DPF3: variants seen among roughly 807,000 people sequenced by gnomAD.
The protein encoded by DPF3 is zinc finger protein DPF3.
A neutral mutation model predicts 56.8 loss-of-function variants in DPF3; 18 were observed. That is an observed-to-expected ratio of 0.32 (90% CI 0.22 to 0.47). The LOEUF is 0.47. Ranked by LOEUF, DPF3 falls within the 20% of genes least tolerant of loss-of-function variation. The pLI, the probability that DPF3 is intolerant of heterozygous loss-of-function variation, is 1.00. For synonymous variants in DPF3, 188 were observed against 180.2 expected (o/e 1.04, Z -0.35); for missense variants, 403 against 488.8 (o/e 0.82, Z 1.65).
chr14:72,882,789 C>T (rs1284800447), intron 1 of DPF3, among the ~76,000 whole-genome samples: 2 of 152,214 alleles, frequency 1.3e-5, no homozygotes, highest in African/African-American at 4.8e-5. Flanking sequence ...ACCAGCACCG[C>T]GTTGCCGCCC....
intron 6 of DPF3, among the ~76,000 whole-genome samples, chr14:72,710,858 G>A (rs1370601984): frequency 6.6e-6 from 1 of 152,130 alleles, no homozygotes; most frequent in Non-Finnish European, 1.5e-5. Context: ...GTTACTTGCT[G>A]GAAAACAAAG....
intron 1 of DPF3, among the ~76,000 whole-genome samples, chr14:72,871,361 G>GT (rs1885894412): frequency 1.3e-5 from 2 of 152,158 alleles, no homozygotes; most frequent in African/African-American, 4.8e-5. Flanking sequence ...AAAGTCCACA[G>GT]TCCAAAGTCT....
At chr14:72,787,078 C>T (rs1892238624) in intron 1 of DPF3, among the ~76,000 whole-genome samples, 1 of 152,242 alleles carries the variant, frequency 6.6e-6, no homozygotes, top group African/African-American at 2.4e-5. Context: ...CGCCAAAACC[C>T]TCCTGTGCCC....
intron 1 of DPF3, chr14:72,892,606 C>T (rs1886797300): frequency 8.1e-7 from 1 of 1,227,306 alleles, no homozygotes. Flanking sequence ...CGGGAGCGAA[C>T]CTGGTTTTCA....
chr14:72,823,799 C>G (rs544851339), intron 1 of DPF3, among the ~76,000 whole-genome samples: 18 of 152,286 alleles, frequency 1.2e-4, no homozygotes, highest in African/African-American at 4.3e-4. Flanking sequence ...GAGTAGGAAA[C>G]TCCATTCTTA....
rs558631952 is a variant in DPF3 at position 72,617,629 on chromosome 14, A to T, written c.*1668T>A. Among the ~76,000 whole-genome samples, 72 of 152,290 alleles carry T rather than the reference A, an allele frequency of 4.7e-4. No individual in the cohort carries two copies. Among genetic ancestry groups the T allele is most frequent in the Middle Eastern group, 3.4e-3 (1 of 294 alleles). ...CGCTTGCCACAGGTCACTCTGCTGA[A>T]GCGTGGGGGAGACCCACACTGCTTG... On this transcript the variant is annotated 3_prime_UTR_variant, in exon 11 of 11. Coordinates refer to ENST00000556509, the MANE Select transcript of DPF3 (RefSeq NM_001280542.3).
chr14:72,824,233 G>A (rs567630778), intron 1 of DPF3, among the ~76,000 whole-genome samples: 5 of 152,252 alleles, frequency 3.3e-5, no homozygotes, highest in South Asian at 2.1e-4. Flanking sequence ...GTCAGATGCC[G>A]GGAAAAATTC....
intron 6 of DPF3, among the ~76,000 whole-genome samples, chr14:72,705,107 G>A (rs1370823924): frequency 1.3e-5 from 2 of 152,150 alleles, no homozygotes; most frequent in African/African-American, 4.8e-5. Context: ...TGCACAGCAG[G>A]ATGTGAGTGG....
intron 1 of DPF3, among the ~76,000 whole-genome samples, chr14:72,866,775 G>T (rs192478092): frequency 2.7e-4 from 40 of 150,792 alleles, no homozygotes; most frequent in Admixed American, 2.3e-3. Flanking sequence ...AGAATCGCTT[G>T]AACCCAGGAG....
In DPF3 at chr14:72,740,625, T is replaced by A. The variant is rs113587608; in HGVS notation, c.302-8691A>T. ...GCAAAGGTGTGAAGCCACACCAGGG[T>A]GAGTCCACGGAGGAATGGCTCTTCA... On this transcript the variant is annotated intron_variant, in intron 3 of 10. Coordinates refer to ENST00000556509, the MANE Select transcript of DPF3 (RefSeq NM_001280542.3). Among the ~76,000 whole-genome samples, 63 of 152,220 alleles carry A rather than the reference T, an allele frequency of 4.1e-4. 1 individual carries two copies. Among genetic ancestry groups the A allele is most frequent in the African/African-American group, 1.5e-3 (62 of 41,544 alleles).
intron 1 of DPF3, among the ~76,000 whole-genome samples, chr14:72,821,963 C>T (rs890297678): frequency 5.9e-5 from 9 of 151,880 alleles, no homozygotes; most frequent in Admixed American, 2.0e-4. Context: ...AGCTATGACA[C>T]GCCACTGCAC....
At position 72,613,330 on chromosome 14, in the gene DPF3, G is replaced by T. The variant is rs931005457; in HGVS notation, c.*5967C>A. Among the ~76,000 whole-genome samples, 1 of 152,152 alleles carries T rather than the reference G, an allele frequency of 6.6e-6. No homozygotes were observed. The highest frequency in any genetic ancestry group is 2.4e-5 in the African/African-American group (1 of 41,440). On this transcript the variant is annotated 3_prime_UTR_variant, in exon 11 of 11. Coordinates refer to ENST00000556509, the MANE Select transcript of DPF3 (RefSeq NM_001280542.3). ...TGGTGCCAGCCTACAGGGCCATTTT[G>T]CTCAATGCCTGGGCTAGAGGTCATG...
At chr14:72,892,779 C>G in intron 1 of DPF3, 31 of 844,098 alleles carry the variant, frequency 3.7e-5, no homozygotes, top group Non-Finnish European at 4.3e-5. Flanking sequence ...GGGGAAGTCC[C>G]GGTCGAAGGG....
At chr14:72,704,073 C>T (rs1888302380) in intron 6 of DPF3, among the ~76,000 whole-genome samples, 1 of 152,182 alleles carries the variant, frequency 6.6e-6, no homozygotes. Context: ...AAAACAAAGG[C>T]TCAAAGTGGT....
rs918868032 is a variant in DPF3 at position 72,615,354 on chromosome 14, G to T, written c.*3943C>A. On this transcript the variant is annotated 3_prime_UTR_variant, in exon 11 of 11. Transcript: ENST00000556509. Reference sequence around the variant, plus strand: ...TTCTTCAGCGGCATAAAAGAGCACAGGTCTCCTCCACTTGCCCCGAAAGGA... The same window carrying T: ...TTCTTCAGCGGCATAAAAGAGCACATGTCTCCTCCACTTGCCCCGAAAGGA... Among the ~76,000 whole-genome samples, 1 of 152,128 alleles carries T rather than the reference G, an allele frequency of 6.6e-6. No individual in the cohort carries two copies. The highest frequency in any genetic ancestry group is 1.5e-5 in the Non-Finnish European group (1 of 68,012).
intron 2 of DPF3, among the ~76,000 whole-genome samples, chr14:72,769,615 G>T (rs1453564199): frequency 6.7e-6 from 1 of 149,372 alleles, no homozygotes; most frequent in Non-Finnish European, 1.5e-5. Context: ...GGGAGGCAGA[G>T]GTTGCAGTGA....
intron 1 of DPF3, chr14:72,892,100 C>G: frequency 6.7e-7 from 1 of 1,498,676 alleles, no homozygotes; most frequent in Non-Finnish European, 8.8e-7. Flanking sequence ...CGCGCGAAAG[C>G]GGGCTCCCGG....
chr14:72,873,911 C>T lies in DPF3; in HGVS notation c.32+20146G>A, dbSNP rs527487385. Among the ~76,000 whole-genome samples the T allele has an allele frequency of 4.9e-5, 7 of 143,526 alleles. No individual in the cohort carries two copies. The South Asian group carries it at 7.3e-4, about 15-fold the overall frequency. The allele number at this position is 143,526 out of a possible 152,430, so 94.2% of individuals were successfully genotyped here. On this transcript the variant is annotated intron_variant, in intron 1 of 10. Transcript: ENST00000556509. ...ACACAGGACGGGGAACATCACACAC[C>T]GGGGCCTGTTGTGGGGTGGGGGGAA...
At chr14:72,829,351 C>T (rs1212977716) in intron 1 of DPF3, among the ~76,000 whole-genome samples, 1 of 152,192 alleles carries the variant, frequency 6.6e-6, no homozygotes, top group East Asian at 1.9e-4. Flanking sequence ...GCCTTACTTA[C>T]AACATGAGAT....
Sources: allele counts gnomAD v4.1 joint callset (sites outside exome capture counted in the v4.1 genomes callset), GRCh38; gene constraint gnomAD v4.1.1; transcripts MANE v1.5; gene names NCBI Gene and HGNC (gene_info 2026-07-23, HGNC 2026-07-21).